Variants in HIBADH observed in about 807,000 individuals in gnomAD.
HIBADH encodes the protein 3-hydroxyisobutyrate dehydrogenase, mitochondrial.
Under a neutral mutation model 36.1 loss-of-function variants are expected in HIBADH, and 25 were observed. The ratio of observed to expected loss-of-function variants is 0.69; its 90% CI spans 0.50 to 0.97. HIBADH has a LOEUF of 0.97. Ranked by LOEUF, HIBADH falls within the 50% of genes least tolerant of loss-of-function variation. HIBADH has a pLI of 0.00. For synonymous variants in HIBADH, 160 were observed against 149.5 expected (o/e 1.07, Z -0.51); for missense variants, 421 against 418.0 (o/e 1.01, Z -0.06).
At chr7:27,596,510 T>C (rs1172587237) in intron 4 of HIBADH, among the ~76,000 whole-genome samples, 2 of 152,226 alleles carry the variant, frequency 1.3e-5, no homozygotes, top group Non-Finnish European at 2.9e-5. Flanking sequence ...ACACACATAC[T>C]CTTTGACCTA....
At chr7:27,527,735 G>T (rs903116321) in intron 7 of HIBADH, among the ~76,000 whole-genome samples, 3 of 146,852 alleles carry the variant, frequency 2.0e-5, no homozygotes, top group Non-Finnish European at 4.4e-5. Context: ...CTGTTACGGT[G>T]ATCTGCAATC....
chr7:27,552,062 T>G lies in HIBADH; in HGVS notation c.485-8962A>C, dbSNP rs188024589. Among the ~76,000 whole-genome samples, 116 of 152,316 alleles carry G rather than the reference T, an allele frequency of 7.6e-4. 2 individuals are homozygous for G. The highest frequency in any genetic ancestry group is 3.6e-3 in the Admixed American group (55 of 15,290). ...AGCTGCTACTCAACGAACAATATAA[T>G]CCCGTGAAAGTAATCAACAAATTTA... On this transcript the variant is annotated intron_variant, in intron 4 of 7. Coordinates refer to ENST00000265395, the MANE Select transcript of HIBADH (RefSeq NM_152740.4).
At chr7:27,618,383 G>T in intron 4 of HIBADH, among the ~76,000 whole-genome samples, 3 of 152,318 alleles carry the variant, frequency 2.0e-5, no homozygotes, top group Middle Eastern at 6.8e-3. Context: ...AACATGTCTG[G>T]GGCTGTTGGG....
intron 2 of HIBADH, among the ~76,000 whole-genome samples, chr7:27,647,940 C>T (rs1786103884): frequency 2.0e-5 from 3 of 152,104 alleles, no homozygotes; most frequent in African/African-American, 7.2e-5. Context: ...GGTAATAGTC[C>T]CCATTCAATT....
chr7:27,541,067 A>G (rs924136130), intron 5 of HIBADH, among the ~76,000 whole-genome samples: 1 of 151,682 alleles, frequency 6.6e-6, no homozygotes, highest in Non-Finnish European at 1.5e-5. Context: ...GAGTTAGCCT[A>G]TCCTTTCCTG....
rs373993817 is a variant in HIBADH, at chr7:27,640,733, C to G, written c.253-8288G>C. ...TGTTGCACGAACATCAGAGAGAGCA[C>G]TTACAGACCTTCATGGTGTAGTGTA... is the stretch of plus-strand genomic sequence containing the variant. On this transcript the variant is annotated intron_variant, in intron 2 of 7. Transcript: ENST00000265395. 5.9e-5 allele frequency among the ~76,000 whole-genome samples: 9 copies of G among 152,284 alleles called. No homozygotes were observed. The East Asian group carries it at 1.4e-3, about 23-fold the overall frequency.
intron 4 of HIBADH, among the ~76,000 whole-genome samples, chr7:27,548,862 G>A (rs936732060): frequency 2.6e-5 from 4 of 152,010 alleles, no homozygotes; most frequent in Admixed American, 1.3e-4. Flanking sequence ...TTCAACCCTC[G>A]TCATTGAAAG....
intron 6 of HIBADH, among the ~76,000 whole-genome samples, chr7:27,533,705 C>T (rs1396682368): frequency 2.6e-5 from 4 of 152,136 alleles, no homozygotes; most frequent in Non-Finnish European, 4.4e-5. Flanking sequence ...TATCCTAGAA[C>T]GTCATGCTTC....
rs552701279 is a variant in HIBADH, at chr7:27,612,443, T to C, written c.484+16928A>G. ...CGGGTTCAAACGATTCTCCTGCTGC[T>C]GCCTCCCAAGTAGCTGGGATCAAGG... On this transcript the variant is annotated intron_variant, in intron 4 of 7. Coordinates refer to ENST00000265395, the MANE Select transcript of HIBADH (RefSeq NM_152740.4). Among the ~76,000 whole-genome samples, 12 of 151,838 alleles carry C rather than the reference T, an allele frequency of 7.9e-5. No homozygotes were observed. In the East Asian group the frequency reaches 2.3e-3, roughly 30 times the overall value.
chr7:27,548,459 G>A (rs942689925), intron 4 of HIBADH, among the ~76,000 whole-genome samples: 4 of 152,026 alleles, frequency 2.6e-5, no homozygotes, highest in Non-Finnish European at 4.4e-5. Context: ...TAATAAAAAA[G>A]TCAGATTCAT....
intron 4 of HIBADH, among the ~76,000 whole-genome samples, chr7:27,560,123 C>T (rs935251470): frequency 6.6e-6 from 1 of 152,060 alleles, no homozygotes; most frequent in African/African-American, 2.4e-5. Context: ...GTTTACATTT[C>T]TATTATTATT....
chr7:27,540,459 T>C (rs188976430), intron 5 of HIBADH, among the ~76,000 whole-genome samples: 34 of 152,172 alleles, frequency 2.2e-4, no homozygotes, highest in Non-Finnish European at 3.8e-4. Context: ...ATATGCACAA[T>C]CTCTTTAGTG....
intron 4 of HIBADH, among the ~76,000 whole-genome samples, chr7:27,552,613 G>A (rs936942809): frequency 2.0e-5 from 3 of 152,190 alleles, no homozygotes; most frequent in African/African-American, 7.2e-5. Flanking sequence ...TTCTATGGCA[G>A]TTGAATAAAC....
At chr7:27,542,515 G>A (rs905286335) in intron 5 of HIBADH, among the ~76,000 whole-genome samples, 4 of 134,476 alleles carry the variant, frequency 3.0e-5, no homozygotes, top group Non-Finnish European at 6.1e-5. Flanking sequence ...GCTCTATCAT[G>A]GCTCACTGCA....
At chr7:27,606,514 T>G (rs1183336264) in intron 4 of HIBADH, among the ~76,000 whole-genome samples, 1 of 152,246 alleles carries the variant, frequency 6.6e-6, no homozygotes. Context: ...AGCTCTTGAC[T>G]CCAGACTAGG....
intron 2 of HIBADH, among the ~76,000 whole-genome samples, chr7:27,646,083 T>C (rs1246578089): frequency 6.6e-6 from 1 of 152,180 alleles, no homozygotes; most frequent in African/African-American, 2.4e-5. Context: ...TTATAGGACA[T>C]CTTTGGGGGT....
Position 27,526,373 on chromosome 7 carries a change from C to T in HIBADH, c.853-1G>A, listed in dbSNP as rs760174408. The T allele has an allele frequency of 6.2e-7, 1 of 1,608,070 alleles. No individual in the cohort carries two copies. The highest frequency in any genetic ancestry group is 1.1e-5 in the South Asian group (1 of 89,868). On this transcript the variant is annotated splice_acceptor_variant, in intron 7 of 7. Transcript: ENST00000265395. LOFTEE classifies it high-confidence loss of function. ...CAGAGTCTTGTGCCAATCCCAGATC[C>T]TAAATCAAACAGGAGGAGAGAACAC...
chr7:27,582,423 C>T (rs570402541), intron 4 of HIBADH, among the ~76,000 whole-genome samples: 1 of 152,044 alleles, frequency 6.6e-6, no homozygotes, highest in Non-Finnish European at 1.5e-5. Flanking sequence ...TGCTATAATT[C>T]TAAAACAAAA....
At chr7:27,609,859 C>T (rs1287187382) in intron 4 of HIBADH, among the ~76,000 whole-genome samples, 1 of 151,878 alleles carries the variant, frequency 6.6e-6, no homozygotes, top group Non-Finnish European at 1.5e-5. Flanking sequence ...GCTCTGTCGC[C>T]CAGGCTGGAG....
Sources: gnomAD v4.1 joint callset for allele counts (sites outside exome capture counted in the v4.1 genomes callset) on GRCh38, gnomAD v4.1.1 for gene constraint, MANE v1.5 for transcripts, NCBI Gene and HGNC (gene_info 2026-07-23, HGNC 2026-07-21) for gene names.